DEPTOR: variants seen among roughly 807,000 people sequenced by gnomAD.
DEPTOR encodes DEP domain containing MTOR interacting protein.
A neutral mutation model predicts 41.6 loss-of-function variants in DEPTOR; 41 were observed. That is an observed-to-expected ratio of 0.98 (90% CI 0.77 to 1.28). DEPTOR has a LOEUF of 1.28. DEPTOR is among the 50% of genes most tolerant of loss of function. The pLI is 0.00. For missense variants in DEPTOR, 514 were observed against 527.9 expected (o/e 0.97, Z 0.26); for synonymous variants, 195 against 192.3 (o/e 1.01, Z -0.12).
chr8:119,977,302 CAT>C (rs1828709111), intron 4 of DEPTOR, among the ~76,000 whole-genome samples: 1 of 151,972 alleles, frequency 6.6e-6, no homozygotes, highest in South Asian at 2.1e-4. Context: ...TGCACATGAC[CAT>C]GTCTCTGTTT....
chr8:120,019,701 C>A (rs1396854105), intron 8 of DEPTOR, among the ~76,000 whole-genome samples: 2 of 152,250 alleles, frequency 1.3e-5, no homozygotes, highest in African/African-American at 2.4e-5. Flanking sequence ...TGTCGTCCTT[C>A]CCTCCTTCGC....
intron 4 of DEPTOR, among the ~76,000 whole-genome samples, chr8:119,986,117 TA>T (rs1250156444): frequency 2.0e-5 from 3 of 152,124 alleles, no homozygotes; most frequent in Non-Finnish European, 4.4e-5. Flanking sequence ...AGTTTCTTCA[TA>T]GTGTCAATGG....
At chr8:119,903,971 ACT>A (rs1261068607) in intron 1 of DEPTOR, among the ~76,000 whole-genome samples, 2 of 151,642 alleles carry the variant, frequency 1.3e-5, no homozygotes, top group South Asian at 4.2e-4. Context: ...GTTATTCCTG[ACT>A]CTGGGGGCCA....
At chr8:119,884,659 A>G (rs1032013206) in intron 1 of DEPTOR, among the ~76,000 whole-genome samples, 2 of 151,644 alleles carry the variant, frequency 1.3e-5, no homozygotes, top group Non-Finnish European at 2.9e-5. Flanking sequence ...AGTTCCTTAT[A>G]CAGATAAGGT....
intron 1 of DEPTOR, chr8:119,891,129 T>A (rs776611239): frequency 2.0e-5 from 3 of 151,842 alleles, no homozygotes; most frequent in Non-Finnish European, 4.4e-5. Context: ...CACTGGAACA[T>A]CCTGTGGACA....
chr8:119,991,590 T>C (rs928092238), intron 4 of DEPTOR, among the ~76,000 whole-genome samples: 1 of 152,220 alleles, frequency 6.6e-6, no homozygotes, highest in Non-Finnish European at 1.5e-5. Flanking sequence ...AGTGGTGAGA[T>C]TACAGGCATG....
At chr8:119,941,961 A>G (rs1355719364) in intron 3 of DEPTOR, among the ~76,000 whole-genome samples, 1 of 152,182 alleles carries the variant, frequency 6.6e-6, no homozygotes, top group Non-Finnish European at 1.5e-5. Context: ...TGAGTGGGGG[A>G]AAAAGTGTCT....
At chr8:119,959,838 G>T (rs568791605) in intron 3 of DEPTOR, among the ~76,000 whole-genome samples, 1 of 152,086 alleles carries the variant, frequency 6.6e-6, no homozygotes, top group African/African-American at 2.4e-5. Flanking sequence ...CTCTAAATAA[G>T]ATTTTTAAAT....
chr8:120,009,665 G>A (rs1478070595), intron 8 of DEPTOR, among the ~76,000 whole-genome samples: 1 of 152,126 alleles, frequency 6.6e-6, no homozygotes, highest in Admixed American at 6.6e-5. Context: ...ACATTTAGCA[G>A]TGTCTAAATA....
In DEPTOR at chr8:119,955,399, A is replaced by G. The variant is rs191584700; in HGVS notation, c.426-9833A>G. On this transcript the variant is annotated intron_variant, in intron 3 of 8. Coordinates refer to ENST00000286234, the MANE Select transcript of DEPTOR (RefSeq NM_022783.4). ...AACTTGCTACTTACGTTTTCTTTCA[A>G]ACATAGGAGTTTTATAATTTTAGCT... is the stretch of plus-strand genomic sequence containing the variant. 2.2e-3 allele frequency among the ~76,000 whole-genome samples: 341 copies of G among 152,290 alleles called. 2 individuals carry two copies. Among genetic ancestry groups the G allele is most frequent in the African/African-American group, 7.9e-3 (329 of 41,552 alleles).
intron 8 of DEPTOR, among the ~76,000 whole-genome samples, chr8:120,020,204 C>G (rs758588908): frequency 9.2e-5 from 14 of 152,208 alleles, no homozygotes; most frequent in African/African-American, 3.4e-4. Context: ...CTTCCTTCCT[C>G]AGCCTCTCAA....
At chr8:119,903,173 A>C (rs569026578) in intron 1 of DEPTOR, among the ~76,000 whole-genome samples, 9 of 152,234 alleles carry the variant, frequency 5.9e-5, no homozygotes, top group Non-Finnish European at 1.3e-4. Context: ...ATCTCAGCTC[A>C]CTGCAACCTC....
intron 1 of DEPTOR, among the ~76,000 whole-genome samples, chr8:119,876,084 T>G (rs1827227769): frequency 6.6e-6 from 1 of 152,262 alleles, no homozygotes; most frequent in South Asian, 2.1e-4. Context: ...AATATTAAAT[T>G]GCATGATGGC....
intron 3 of DEPTOR, among the ~76,000 whole-genome samples, chr8:119,936,583 T>G (rs981252999): frequency 6.6e-6 from 1 of 152,214 alleles, no homozygotes; most frequent in Admixed American, 6.5e-5. Flanking sequence ...AGAGGTTTAA[T>G]GACTGAGATA....
chr8:119,890,384 C>T (rs1203699403), intron 1 of DEPTOR, among the ~76,000 whole-genome samples: 2 of 152,064 alleles, frequency 1.3e-5, no homozygotes, highest in African/African-American at 4.8e-5. Flanking sequence ...CTCACTGCAA[C>T]CTCCCTCTCC....
At chr8:120,032,887 C>T (rs1812913784) in intron 8 of DEPTOR, among the ~76,000 whole-genome samples, 1 of 152,144 alleles carries the variant, frequency 6.6e-6, no homozygotes, top group South Asian at 2.1e-4. Context: ...CACCAAAAAG[C>T]TCCACCTTCT....
chr8:119,949,550 T>A (rs1563973834), intron 3 of DEPTOR, among the ~76,000 whole-genome samples: 1 of 152,220 alleles, frequency 6.6e-6, no homozygotes, highest in Non-Finnish European at 1.5e-5. Flanking sequence ...CTTGTTTCTA[T>A]CCAACTAGCG....
chr8:119,938,973 C>CTCTCTCTCTG (rs1458771316), intron 3 of DEPTOR, among the ~76,000 whole-genome samples: 1 of 149,630 alleles, frequency 6.7e-6, no homozygotes, highest in Admixed American at 6.7e-5. Flanking sequence ...CTCTCTCTCT[C>CTCTCTCTCTG]TGTGTTTCTC....
intron 6 of DEPTOR, among the ~76,000 whole-genome samples, chr8:120,004,256 T>G (rs1812399542): frequency 6.6e-6 from 1 of 152,226 alleles, no homozygotes; most frequent in Admixed American, 6.5e-5. Flanking sequence ...CTAACTTTTT[T>G]TCTTTTTTTG....
Sources: gnomAD v4.1 joint callset for allele counts (sites outside exome capture counted in the v4.1 genomes callset) on GRCh38, gnomAD v4.1.1 for gene constraint, MANE v1.5 for transcripts, NCBI Gene and HGNC (gene_info 2026-07-23, HGNC 2026-07-21) for gene names.